CLSTN1: variants seen among roughly 807,000 people sequenced by gnomAD.
CLSTN1 encodes calsyntenin-1.
CLSTN1 carries 28 observed loss-of-function variants against 108.3 expected under a neutral mutation model. That is an observed-to-expected ratio of 0.26 (90% confidence interval 0.19 to 0.35). The LOEUF is 0.35. CLSTN1 is among the 10% of genes least tolerant of loss of function. The pLI is 1.00. For missense variants in CLSTN1, 1,157 were observed against 1,302.6 expected, an observed-to-expected ratio of 0.89 and a Z score of 1.72; for synonymous variants, 524 against 534.9, an observed-to-expected ratio of 0.98 and a Z score of 0.28.
At chr1:9,769,915 A>G (rs1360848822) in intron 2 of CLSTN1, among the ~76,000 whole-genome samples, 1 of 152,088 alleles carries the variant, frequency 6.6e-6, no homozygotes. Context: ...CTGTAGTCCC[A>G]GCTAATCGGG....
At position 9,776,788 on chromosome 1, in the gene CLSTN1, C is replaced by G. The variant is rs1277360347; in HGVS notation, c.92-3394G>C. 2.0e-5 allele frequency among the ~76,000 whole-genome samples: 3 copies of G among 151,754 alleles called. No individual in the cohort carries two copies. In the South Asian group the frequency reaches 6.2e-4, roughly 31 times the overall value. On this transcript the variant is annotated intron_variant, in intron 1 of 18. Coordinates refer to ENST00000377298, the MANE Select transcript of CLSTN1 (RefSeq NM_001009566.3). ...ATTATCCATCCATCCACCCACCTATCTCTATCTATCTATCTATCTATCTAT... is the reference window on the plus strand; with the variant it reads ...ATTATCCATCCATCCACCCACCTATGTCTATCTATCTATCTATCTATCTAT...
chr1:9,745,181 A>C (rs1651192820), intron 7 of CLSTN1, among the ~76,000 whole-genome samples: 1 of 150,324 alleles, frequency 6.7e-6, no homozygotes, highest in African/African-American at 2.4e-5. Context: ...GTGAGCCGAG[A>C]TCGCACCCCT....
chr1:9,818,489 C>A (rs1655068134), intron 1 of CLSTN1, among the ~76,000 whole-genome samples: 1 of 150,636 alleles, frequency 6.6e-6, no homozygotes, highest in South Asian at 2.1e-4. Context: ...CCACCATGCC[C>A]AGCTAATTTT....
chr1:9,773,870 CTA>C (rs1652807392), intron 1 of CLSTN1, among the ~76,000 whole-genome samples: 1 of 151,816 alleles, frequency 6.6e-6, no homozygotes, highest in African/African-American at 2.4e-5. Flanking sequence ...GTAGCTGGGA[CTA>C]TGTGTGTGCA....
At chr1:9,761,648 T>TTTCCTCATCTGTGCC (rs1313665619) in intron 2 of CLSTN1, among the ~76,000 whole-genome samples, 1 of 152,198 alleles carries the variant, frequency 6.6e-6, no homozygotes, top group Non-Finnish European at 1.5e-5. Context: ...TTGCCCTCAC[T>TTTCCTCATCTGTGCC]TTCCTCATCT....
chr1:9,813,695 T>A (rs1029806711), intron 1 of CLSTN1, among the ~76,000 whole-genome samples: 9 of 152,162 alleles, frequency 5.9e-5, no homozygotes, highest in Non-Finnish European at 1.3e-4. Context: ...TTATACCCTT[T>A]AAAAGCCACT....
At position 9,734,287 on chromosome 1, in the gene CLSTN1, A is replaced by G. The variant is rs1650566854; in HGVS notation, c.2111-145T>C. 1 of 805,080 alleles carries G rather than the reference A, an allele frequency of 1.2e-6. No homozygotes were observed. Among genetic ancestry groups the G allele is most frequent in the Non-Finnish European group, 1.9e-6 (1 of 514,386 alleles). 49.9% of individuals were successfully genotyped at this position (805,080 alleles called of 1,614,324 possible). A position where few individuals can be genotyped will look rare whatever the true frequency, so the allele number is the denominator to read the frequency against. On this transcript the variant is annotated intron_variant, in intron 14 of 18. Coordinates refer to ENST00000377298, the MANE Select transcript of CLSTN1 (RefSeq NM_001009566.3). This position sits in a 1 kb window ranked among gnomAD's most constrained non-coding sequence, Gnocchi z 4.8. The stretch of plus-strand genomic sequence containing the variant: ...CAGAAGCAAGCGAGAGTTGCTTTCA[A>G]GAAACGGCTGGGCGCAGTGGCTCAC...
chr1:9,774,403 T>C (rs1163326109), intron 1 of CLSTN1, among the ~76,000 whole-genome samples: 2 of 151,780 alleles, frequency 1.3e-5, no homozygotes, highest in Non-Finnish European at 2.9e-5. Context: ...CTGTCTTTAC[T>C]AAAAATACAA....
intron 2 of CLSTN1, among the ~76,000 whole-genome samples, chr1:9,765,283 C>CT: frequency 1.3e-5 from 2 of 152,062 alleles, no homozygotes; most frequent in Middle Eastern, 6.8e-3. Flanking sequence ...ACTCGGGAGA[C>CT]TGATACAGGA....
At chr1:9,797,279 C>A (rs1227142266) in intron 1 of CLSTN1, among the ~76,000 whole-genome samples, 4 of 151,818 alleles carry the variant, frequency 2.6e-5, no homozygotes, top group Admixed American at 6.6e-5. Context: ...CAGTGAGACC[C>A]TGTCCAAAAG....
Position 9,733,537 on chromosome 1 carries a change from G to T in CLSTN1, c.2291C>A (p.Thr764Asn), listed in dbSNP as rs753388096. The T allele has an allele frequency of 1.2e-6, 2 of 1,614,028 alleles. No individual in the cohort carries two copies. Among genetic ancestry groups the T allele is most frequent in the Admixed American group, 3.3e-5 (2 of 60,012 alleles). ...ELGMTFTGVD[T>N]MASYEEVLHL... ...CAAAACCTCCTCGTAGCTGGCCATGGTGTCCACGCCTGCAGGGGTTGAAAG... is the reference window on the plus strand; with the variant it reads ...CAAAACCTCCTCGTAGCTGGCCATGTTGTCCACGCCTGCAGGGGTTGAAAG... The change falls in exon 16 of 19, where the codon ACC (threonine) becomes AAC (asparagine). Residue 764 changes from threonine to asparagine, a missense_variant. Thr to Asn is a moderately conservative substitution (Grantham distance 65). Transcript: ENST00000377298.
chr1:9,779,814 G>A (rs995223465), intron 1 of CLSTN1, among the ~76,000 whole-genome samples: 6 of 151,884 alleles, frequency 4.0e-5, no homozygotes, highest in Admixed American at 2.6e-4. Flanking sequence ...TTAAAGAAAG[G>A]ACTCCAAAAA....
intron 2 of CLSTN1, among the ~76,000 whole-genome samples, chr1:9,766,839 G>A (rs184394408): frequency 4.3e-4 from 66 of 152,332 alleles, no homozygotes; most frequent in Admixed American, 5.2e-4. Context: ...CAATCCGGGC[G>A]AGACTGGATC....
At chr1:9,776,292 C>T (rs1168288774) in intron 1 of CLSTN1, among the ~76,000 whole-genome samples, 1 of 152,122 alleles carries the variant, frequency 6.6e-6, no homozygotes, top group Non-Finnish European at 1.5e-5. Context: ...ATTAATGAAA[C>T]ATTTACCAGA....
intron 7 of CLSTN1, among the ~76,000 whole-genome samples, chr1:9,747,296 A>G (rs1651318347): frequency 6.6e-6 from 1 of 151,960 alleles, no homozygotes; most frequent in Non-Finnish European, 1.5e-5. Context: ...GAAATGAGAG[A>G]CGGAATAAAT....
intron 2 of CLSTN1, among the ~76,000 whole-genome samples, chr1:9,761,310 C>T (rs886800890): frequency 3.9e-5 from 6 of 152,056 alleles, no homozygotes; most frequent in African/African-American, 1.2e-4. Flanking sequence ...CTGGCCAACA[C>T]GGTGAAATCC....
At chr1:9,748,740 C>T (rs969704670) in intron 7 of CLSTN1, among the ~76,000 whole-genome samples, 3 of 152,030 alleles carry the variant, frequency 2.0e-5, no homozygotes, top group African/African-American at 4.8e-5. Flanking sequence ...CTGCCCACCT[C>T]GGCCTCCCAA....
intron 7 of CLSTN1, among the ~76,000 whole-genome samples, chr1:9,747,656 C>A (rs1651345236): frequency 6.6e-6 from 1 of 152,056 alleles, no homozygotes; most frequent in South Asian, 2.1e-4. Context: ...CGCACCACGC[C>A]TGGCTAATTT....
chr1:9,780,902 G>C (rs1385081697), intron 1 of CLSTN1: 1 of 351,298 alleles, frequency 2.8e-6, no homozygotes, highest in African/African-American at 2.1e-5. Context: ...ACCATGGACA[G>C]GATGCTGAAT....
Sources: allele counts gnomAD v4.1 joint callset (sites outside exome capture counted in the v4.1 genomes callset), GRCh38; gene constraint gnomAD v4.1.1; non-coding constraint Gnocchi (gnomAD v3.1); transcripts MANE v1.5; gene names NCBI Gene and HGNC (gene_info 2026-07-23, HGNC 2026-07-21).